NCAM2: variants seen among roughly 807,000 people sequenced by gnomAD.
The protein encoded by NCAM2 is N-CAM-2.
Under a neutral mutation model 98.1 loss-of-function variants are expected in NCAM2, and 30 were observed. The ratio of observed to expected loss-of-function variants is 0.31; its 90% CI spans 0.23 to 0.41. The LOEUF is 0.41. NCAM2 is among the 10% of genes least tolerant of loss of function. The pLI is 1.00. For synonymous variants in NCAM2, 368 were observed against 342.4 expected (o/e 1.07, Z -0.83); for missense variants, 867 against 1,005.8 (o/e 0.86, Z 1.87).
chr21:21,469,021 A>G (rs1425371212), intron 14 of NCAM2, among the ~76,000 whole-genome samples: 1 of 151,906 alleles, frequency 6.6e-6, no homozygotes. Flanking sequence ...TAGGTGTGAA[A>G]TGGGACTAGT....
chr21:21,364,685 T>C (rs1306992263), intron 8 of NCAM2, among the ~76,000 whole-genome samples: 1 of 151,982 alleles, frequency 6.6e-6, no homozygotes, highest in Non-Finnish European at 1.5e-5. Context: ...TATATATGTA[T>C]ATATTGCCAG....
intron 1 of NCAM2, among the ~76,000 whole-genome samples, chr21:21,044,809 A>G (rs201489138): frequency 6.8e-6 from 1 of 147,766 alleles, no homozygotes; most frequent in Admixed American, 6.8e-5. Flanking sequence ...CTACAAAAAT[A>G]AAAAAATTTG....
intron 16 of NCAM2, among the ~76,000 whole-genome samples, chr21:21,530,030 T>C (rs889883051): frequency 1.4e-5 from 2 of 147,362 alleles, no homozygotes; most frequent in Non-Finnish European, 3.0e-5. Context: ...TATCTATATG[T>C]AATTTTATAT....
At chr21:21,328,104 A>G (rs1203067456) in intron 6 of NCAM2, among the ~76,000 whole-genome samples, 2 of 152,174 alleles carry the variant, frequency 1.3e-5, no homozygotes, top group African/African-American at 2.4e-5. Context: ...TGACCTATCA[A>G]TGACACGCCT....
intron 1 of NCAM2, among the ~76,000 whole-genome samples, chr21:21,129,707 T>C (rs1013532171): frequency 1.3e-5 from 2 of 152,180 alleles, no homozygotes; most frequent in African/African-American, 4.8e-5. Flanking sequence ...CACCTTTTAA[T>C]ACTATCATGT....
chr21:21,456,773 C>T (rs1007101314), intron 12 of NCAM2, among the ~76,000 whole-genome samples: 3 of 152,042 alleles, frequency 2.0e-5, no homozygotes, highest in African/African-American at 7.2e-5. Context: ...GGGCAAAATG[C>T]TCATGAGTAG....
At position 21,542,396 on chromosome 21, in the gene NCAM2, T is replaced by A. The variant is rs908555759; in HGVS notation, c.*4439T>A. 1.3e-5 allele frequency: 2 copies of A among 151,854 alleles called. No homozygotes were observed. The highest frequency in any genetic ancestry group is 2.9e-5 in the Non-Finnish European group (2 of 67,830). 9.4% of individuals were successfully genotyped at this position (151,854 alleles called of 1,614,324 possible). A position where few individuals can be genotyped will look rare whatever the true frequency, so the allele number is the denominator to read the frequency against. ...AGAAAAATAGTTTATTACTTTAGGA[T>A]TTTATCTATAACATAAATATATTAT... On this transcript the variant is annotated 3_prime_UTR_variant, in exon 18 of 18. Coordinates refer to ENST00000400546, the MANE Select transcript of NCAM2 (RefSeq NM_004540.5).
At chr21:21,326,640 ATCAGAT>A (rs1167427328) in intron 6 of NCAM2, among the ~76,000 whole-genome samples, 1 of 152,170 alleles carries the variant, frequency 6.6e-6, no homozygotes, top group African/African-American at 2.4e-5. Context: ...ACTAGTATAA[ATCAGAT>A]TCAAAGAATA....
In NCAM2 at chr21:21,139,920, T is replaced by C. The variant is rs568655422; in HGVS notation, c.56-140658T>C. On this transcript the variant is annotated intron_variant, in intron 1 of 17. Coordinates refer to ENST00000400546, the MANE Select transcript of NCAM2 (RefSeq NM_004540.5). ...GTTCACGTCTTACACATATTTGCCT[T>C]GTTGGAAATATTCTGGTAATTTCTA... Among the ~76,000 whole-genome samples the C allele has an allele frequency of 1.0e-3, 158 of 152,280 alleles. 2 individuals are homozygous for C. Among genetic ancestry groups the C allele is most frequent in the African/African-American group, 3.2e-3 (135 of 41,568 alleles).
chr21:21,216,236 T>C (rs1319375815), intron 1 of NCAM2, among the ~76,000 whole-genome samples: 1 of 152,128 alleles, frequency 6.6e-6, no homozygotes, highest in Non-Finnish European at 1.5e-5. Flanking sequence ...GAGGAGTCTC[T>C]AACATCTGGG....
chr21:21,336,291 C>A (rs942226139), intron 7 of NCAM2, among the ~76,000 whole-genome samples: 1 of 151,836 alleles, frequency 6.6e-6, no homozygotes, highest in African/African-American at 2.4e-5. Flanking sequence ...AATATATGCC[C>A]TATTAACATT....
chr21:21,502,210 G>C (rs562263258), intron 15 of NCAM2, among the ~76,000 whole-genome samples: 82 of 151,992 alleles, frequency 5.4e-4, no homozygotes, highest in African/African-American at 1.9e-3. Context: ...TTTGGGGTAT[G>C]TTTTACAATG....
At chr21:21,359,375 A>G (rs527912757) in intron 8 of NCAM2, among the ~76,000 whole-genome samples, 1 of 152,054 alleles carries the variant, frequency 6.6e-6, no homozygotes. Context: ...AACTTTCTGA[A>G]ATCTTTTTCT....
At chr21:21,185,007 G>A (rs1393874922) in intron 1 of NCAM2, among the ~76,000 whole-genome samples, 1 of 152,092 alleles carries the variant, frequency 6.6e-6, no homozygotes, top group Admixed American at 6.6e-5. Context: ...GTGTGGACAA[G>A]TGACATCGTA....
intron 1 of NCAM2, among the ~76,000 whole-genome samples, chr21:21,187,648 T>G (rs1486077524): frequency 6.6e-6 from 1 of 152,204 alleles, no homozygotes; most frequent in Non-Finnish European, 1.5e-5. Context: ...AACTATGACA[T>G]GACATAAACC....
In NCAM2 at chr21:21,488,506, G is replaced by A. The variant is rs1358102458; in HGVS notation, c.2077+11035G>A. Among the ~76,000 whole-genome samples the A allele has an allele frequency of 2.6e-5, 4 of 151,680 alleles. No homozygotes were observed. In the East Asian group the frequency reaches 7.7e-4, roughly 29 times the overall value. On this transcript the variant is annotated intron_variant, in intron 15 of 17. Coordinates refer to ENST00000400546, the MANE Select transcript of NCAM2 (RefSeq NM_004540.5). ...AAAAATAATTTTAAATATTAATATG[G>A]TATATTTACCCTGATAATGGAGAAA...
chr21:21,061,183 T>C (rs1280520897), intron 1 of NCAM2, among the ~76,000 whole-genome samples: 2 of 152,212 alleles, frequency 1.3e-5, no homozygotes, highest in Admixed American at 6.5e-5. Context: ...CCACATCATC[T>C]GCAGATAATT....
intron 1 of NCAM2, among the ~76,000 whole-genome samples, chr21:21,041,642 GA>G (rs2064907116): frequency 6.6e-6 from 1 of 152,164 alleles, no homozygotes; most frequent in South Asian, 2.1e-4. Flanking sequence ...GTGGTGTAAG[GA>G]TATGAATATT....
chr21:21,542,089 A>G lies in NCAM2; in HGVS notation c.*4132A>G, dbSNP rs1349782596. 1 of 151,938 alleles carries G rather than the reference A, an allele frequency of 6.6e-6. No homozygotes were observed. Among genetic ancestry groups the G allele is most frequent in the Admixed American group, 6.6e-5 (1 of 15,224 alleles). 9.4% of individuals were successfully genotyped at this position (151,938 alleles called of 1,614,324 possible). A position where few individuals can be genotyped will look rare whatever the true frequency, so the allele number is the denominator to read the frequency against. On this transcript the variant is annotated 3_prime_UTR_variant, in exon 18 of 18. Coordinates refer to ENST00000400546, the MANE Select transcript of NCAM2 (RefSeq NM_004540.5). ...TTCATCTTAGAAGGTAAAATTTTCA[A>G]GAAAGTATTTTATTCATGGACTTAA...
Sources: allele counts gnomAD v4.1 joint callset (sites outside exome capture counted in the v4.1 genomes callset), GRCh38; gene constraint gnomAD v4.1.1; transcripts MANE v1.5; gene names NCBI Gene and HGNC (gene_info 2026-07-23, HGNC 2026-07-21).